CLYBL: variants seen among roughly 807,000 people sequenced by gnomAD.
CLYBL encodes the protein citramalyl-CoA lyase, mitochondrial.
In CLYBL, 31 loss-of-function variants were observed where a neutral mutation model predicts 38.9. The ratio of observed to expected loss-of-function variants is 0.80; its 90% CI spans 0.60 to 1.08. The LOEUF (loss-of-function observed/expected upper bound fraction) is 1.08, where lower values mean the gene tolerates loss of function less well. CLYBL is among the 50% of genes least tolerant of loss of function. The pLI, the probability that CLYBL is intolerant of heterozygous loss-of-function variation, is 0.00. For synonymous variants in CLYBL, 171 were observed against 158.6 expected (o/e 1.08, Z -0.59); for missense variants, 434 against 411.6 (o/e 1.05, Z -0.47).
intron 1 of CLYBL, among the ~76,000 whole-genome samples, chr13:99,764,348 G>C (rs1566317218): frequency 1.3e-5 from 2 of 152,180 alleles, no homozygotes; most frequent in East Asian, 3.9e-4. Flanking sequence ...GGTAGGATGC[G>C]GCAATAAAGC....
chr13:99,623,924 A>C (rs567386190), intron 1 of CLYBL, among the ~76,000 whole-genome samples: 8 of 146,700 alleles, frequency 5.5e-5, no homozygotes, highest in Admixed American at 7.1e-5. Context: ...GTGCCACTGC[A>C]CTCCAGCCTG....
intron 2 of CLYBL, among the ~76,000 whole-genome samples, chr13:99,817,032 T>C (rs1476118773): frequency 6.6e-6 from 1 of 152,200 alleles, no homozygotes; most frequent in East Asian, 1.9e-4. Context: ...CATGTAATTA[T>C]GTAGGCTTTC....
At chr13:99,714,205 C>T (rs568542352) in intron 1 of CLYBL, among the ~76,000 whole-genome samples, 1 of 152,240 alleles carries the variant, frequency 6.6e-6, no homozygotes, top group African/African-American at 2.4e-5. Flanking sequence ...CTGTTCTGCT[C>T]TTTGCATTGT....
intron 1 of CLYBL, among the ~76,000 whole-genome samples, chr13:99,660,718 A>G (rs772561770): frequency 2.0e-5 from 3 of 152,200 alleles, no homozygotes; most frequent in Non-Finnish European, 4.4e-5. Context: ...TCCCGTCTAC[A>G]TAATTTGATT....
intron 1 of CLYBL, among the ~76,000 whole-genome samples, chr13:99,729,881 G>A (rs1040740378): frequency 2.0e-5 from 3 of 152,160 alleles, no homozygotes; most frequent in Admixed American, 6.5e-5. Context: ...CACCGCTTCA[G>A]TGTGGCTGGT....
At chr13:99,641,349 C>T (rs1178101965) in intron 1 of CLYBL, among the ~76,000 whole-genome samples, 2 of 152,190 alleles carry the variant, frequency 1.3e-5, no homozygotes, top group East Asian at 1.9e-4. Context: ...ATTTATTATA[C>T]CAAAAAAATC....
chr13:99,749,805 C>T (rs1352555374), intron 1 of CLYBL, among the ~76,000 whole-genome samples: 1 of 152,112 alleles, frequency 6.6e-6, no homozygotes, highest in Non-Finnish European at 1.5e-5. Context: ...CTCCCGTGTC[C>T]ATGGAAAGCT....
chr13:99,672,669 G>C (rs760995651), intron 1 of CLYBL, among the ~76,000 whole-genome samples: 3 of 151,666 alleles, frequency 2.0e-5, no homozygotes, highest in Middle Eastern at 3.2e-3. Flanking sequence ...CCAGCTTCTT[G>C]GGAGGTGTGA....
At chr13:99,896,741 A>C (rs1594254232), downstream of CLYBL, 1 of 152,266 alleles carries the variant, frequency 6.6e-6, no homozygotes, top group East Asian at 1.9e-4. Flanking sequence ...GAGTTTTGGC[A>C]AAACTGTTAA....
intron 7 of CLYBL, among the ~76,000 whole-genome samples, chr13:99,874,350 T>G (rs1478705754): frequency 1.3e-5 from 2 of 152,210 alleles, no homozygotes; most frequent in African/African-American, 2.4e-5. Context: ...TTCAAATTAT[T>G]TGGTAAAATG....
At chr13:99,792,290 A>G (rs1321466620) in intron 2 of CLYBL, among the ~76,000 whole-genome samples, 1 of 152,132 alleles carries the variant, frequency 6.6e-6, no homozygotes, top group African/African-American at 2.4e-5. Context: ...AGACCCACAC[A>G]CAGTGACCCT....
chr13:99,710,413 G>A (rs2048212574), intron 1 of CLYBL, among the ~76,000 whole-genome samples: 1 of 152,136 alleles, frequency 6.6e-6, no homozygotes, highest in Non-Finnish European at 1.5e-5. Context: ...TGCCCCAGTG[G>A]AGCTGGGGGA....
At chr13:99,768,192 C>CTT (rs58499426) in intron 1 of CLYBL, among the ~76,000 whole-genome samples, 20,939 of 102,850 alleles carry the variant, frequency 0.2, 2,820 homozygotes, top group South Asian at 0.22. Flanking sequence ...TTTTCTTTTT[C>CTT]TTTTTTTTTT....
chr13:99,624,291 GGCA>G (rs2046839838), intron 1 of CLYBL, among the ~76,000 whole-genome samples: 2 of 152,190 alleles, frequency 1.3e-5, no homozygotes, highest in Admixed American at 1.3e-4. Context: ...TGACACAGTA[GGCA>G]CTGATTAAAT....
At chr13:99,718,945 C>T (rs1290466753) in intron 1 of CLYBL, among the ~76,000 whole-genome samples, 4 of 151,972 alleles carry the variant, frequency 2.6e-5, no homozygotes, top group Admixed American at 6.6e-5. Context: ...TAGGTTCAAG[C>T]GATTCTCTTG....
intron 1 of CLYBL, among the ~76,000 whole-genome samples, chr13:99,614,544 GGAGCTACACCTGCCCGGGCA>G (rs1453904979): frequency 6.6e-6 from 1 of 152,008 alleles, no homozygotes; most frequent in Non-Finnish European, 1.5e-5. Flanking sequence ...GCCCGAATTG[GGAGCTACACCTGCCCGGGCA>G]GGTGTAGCTG....
chr13:99,701,237 A>C (rs995223449), intron 1 of CLYBL, among the ~76,000 whole-genome samples: 4 of 152,222 alleles, frequency 2.6e-5, no homozygotes, highest in Non-Finnish European at 5.9e-5. Flanking sequence ...CATATCAGGA[A>C]ATGTTACCTC....
At chr13:99,694,018 G>T (rs953442794) in intron 1 of CLYBL, among the ~76,000 whole-genome samples, 2 of 152,138 alleles carry the variant, frequency 1.3e-5, no homozygotes, top group Admixed American at 6.6e-5. Flanking sequence ...GCAGCAGCTC[G>T]CACAAAAGAA....
intron 1 of CLYBL, among the ~76,000 whole-genome samples, chr13:99,652,466 G>A (rs971165189): frequency 1.3e-5 from 2 of 152,130 alleles, no homozygotes; most frequent in Non-Finnish European, 2.9e-5. Flanking sequence ...CCAGCACTTT[G>A]GGAGGCTGAA....
Sources: allele counts gnomAD v4.1 joint callset (sites outside exome capture counted in the v4.1 genomes callset), GRCh38; gene constraint gnomAD v4.1.1; transcripts MANE v1.5; gene names NCBI Gene and HGNC (gene_info 2026-07-23, HGNC 2026-07-21).